The following FHIP1A variants were observed in gnomAD, a reference collection of about 807,000 sequenced individuals.
FHIP1A encodes the protein FHF complex subunit HOOK-interacting protein 1A.
In FHIP1A, 61 loss-of-function variants were observed where a neutral mutation model predicts 88.6. The observed-to-expected ratio is 0.69, with a 90% CI of 0.56 to 0.85. The LOEUF (loss-of-function observed/expected upper bound fraction) is 0.85, where lower values mean the gene tolerates loss of function less well. Among genes scored for constraint, FHIP1A ranks in the 40% least tolerant of loss-of-function variants. The probability of loss-of-function intolerance (pLI) is 0.00; values close to 1 mark genes in which losing one functional copy is unlikely to be tolerated. For missense variants in FHIP1A, 1,154 were observed against 1,273.5 expected, an observed-to-expected ratio of 0.91 and a Z score of 1.43; for synonymous variants, 478 against 496.0, an observed-to-expected ratio of 0.96 and a Z score of 0.48.
intron 7 of FHIP1A, among the ~76,000 whole-genome samples, chr4:151,599,499 A>G (rs183445196): frequency 3.9e-5 from 6 of 152,338 alleles, no homozygotes; most frequent in African/African-American, 1.2e-4. Flanking sequence ...TGCAACACCA[A>G]TCTGACCCCA....
intron 5 of FHIP1A, among the ~76,000 whole-genome samples, chr4:151,579,044 G>A (rs1733924657): frequency 6.6e-6 from 1 of 152,130 alleles, no homozygotes; most frequent in Admixed American, 6.6e-5. Flanking sequence ...TCTGGAAAAG[G>A]TAAAACTATG....
At chr4:151,484,310 A>G (rs1279554008) in intron 3 of FHIP1A, among the ~76,000 whole-genome samples, 1 of 152,208 alleles carries the variant, frequency 6.6e-6, no homozygotes, top group East Asian at 1.9e-4. Context: ...AAGCAGCATG[A>G]GTGATAGAAT....
Position 151,646,603 on chromosome 4 carries a change from T to C in FHIP1A, c.1272T>C (p.Ala424=), listed in dbSNP as rs775872315. The change falls in exon 10 of 14, where the codon GCT becomes GCC. Residue 424 remains alanine (A), a synonymous_variant. Transcript: ENST00000435205. ...CNHMMLSQRW[A]VKERDCYSVS... ...ACATGATGCTGAGTCAGAGGTGGGC[T>C]GTGAAGGAGAGAGACTGTTACTCTG... 3 of 1,551,622 alleles carry C rather than the reference T, an allele frequency of 1.9e-6. No homozygotes were observed. The highest frequency in any genetic ancestry group is 2.4e-5 in the South Asian group (2 of 84,050).
chr4:151,509,023 C>T (rs1730929585), intron 3 of FHIP1A, among the ~76,000 whole-genome samples: 1 of 152,146 alleles, frequency 6.6e-6, no homozygotes, highest in Non-Finnish European at 1.5e-5. Flanking sequence ...CATTCTTAAG[C>T]AGTGCTACAG....
intron 2 of FHIP1A, among the ~76,000 whole-genome samples, chr4:151,481,252 A>G (rs1466589469): frequency 6.6e-6 from 1 of 151,998 alleles, no homozygotes; most frequent in East Asian, 1.9e-4. Context: ...TATAAACTAC[A>G]TATTCCCATT....
At chr4:151,617,556 G>T (rs1200259398) in intron 7 of FHIP1A, among the ~76,000 whole-genome samples, 1 of 152,110 alleles carries the variant, frequency 6.6e-6, no homozygotes, top group African/African-American at 2.4e-5. Context: ...GTTCCTGCTG[G>T]ATTATCCTTT....
chr4:151,597,048 C>T (rs998968976), intron 7 of FHIP1A, among the ~76,000 whole-genome samples: 7 of 152,144 alleles, frequency 4.6e-5, no homozygotes, highest in African/African-American at 4.8e-5. Context: ...ACTCATTCTC[C>T]GTCCAGTTTT....
At chr4:151,489,779 A>T (rs1194941352) in intron 3 of FHIP1A, among the ~76,000 whole-genome samples, 1 of 152,048 alleles carries the variant, frequency 6.6e-6, no homozygotes, top group East Asian at 1.9e-4. Context: ...TGGCCTGAGA[A>T]CTACCCTCCA....
rs1256275590 is a variant in FHIP1A, at chr4:151,666,120, A to G, written c.*3366A>G. On this transcript the variant is annotated 3_prime_UTR_variant, in exon 14 of 14. Coordinates refer to ENST00000435205, the MANE Select transcript of FHIP1A (RefSeq NM_001109977.3). ...ATATGAGAGCACTGGGATATTTAAAATTGATTTTTTGGAAATGGCCAAGTA... is the reference window on the plus strand; with the variant it reads ...ATATGAGAGCACTGGGATATTTAAAGTTGATTTTTTGGAAATGGCCAAGTA... Among the ~76,000 whole-genome samples, 1 of 152,256 alleles carries G rather than the reference A, an allele frequency of 6.6e-6. No individual in the cohort carries two copies. Among genetic ancestry groups the G allele is most frequent in the Non-Finnish European group, 1.5e-5 (1 of 68,044 alleles).
At chr4:151,565,929 G>A (rs2126771183) in intron 3 of FHIP1A, among the ~76,000 whole-genome samples, 1 of 152,106 alleles carries the variant, frequency 6.6e-6, no homozygotes, top group South Asian at 2.1e-4. Flanking sequence ...ATTTACTCAT[G>A]TATCTTAGCT....
At chr4:151,573,858 G>A (rs1560776424) in intron 4 of FHIP1A, among the ~76,000 whole-genome samples, 1 of 152,172 alleles carries the variant, frequency 6.6e-6, no homozygotes, top group Non-Finnish European at 1.5e-5. Flanking sequence ...ATAAGGAAAA[G>A]TCCAGGTCAC....
At chr4:151,465,824 C>G (rs1473615408) in intron 2 of FHIP1A, among the ~76,000 whole-genome samples, 1 of 152,098 alleles carries the variant, frequency 6.6e-6, no homozygotes, top group Non-Finnish European at 1.5e-5. Flanking sequence ...AATTCAACAT[C>G]CCTTCATGTT....
chr4:151,466,330 G>C (rs1176250577), intron 2 of FHIP1A, among the ~76,000 whole-genome samples: 2 of 152,282 alleles, frequency 1.3e-5, no homozygotes, highest in East Asian at 3.9e-4. Context: ...GGAAATAAGA[G>C]AGGACACAAA....
Position 151,668,685 on chromosome 4 carries a change from C to T in FHIP1A, c.*5931C>T, listed in dbSNP as rs879776908. ...CTCTTCAAAAGGGCCCCACAAAAGGCTGTCCATTAATTTGTTTCATACAGT... is the reference window on the plus strand; with the variant it reads ...CTCTTCAAAAGGGCCCCACAAAAGGTTGTCCATTAATTTGTTTCATACAGT... On this transcript the variant is annotated 3_prime_UTR_variant, in exon 14 of 14. Coordinates refer to ENST00000435205, the MANE Select transcript of FHIP1A (RefSeq NM_001109977.3). Among the ~76,000 whole-genome samples the T allele has an allele frequency of 2.6e-5, 4 of 152,196 alleles. No homozygotes were observed. Among genetic ancestry groups the T allele is most frequent in the Non-Finnish European group, 5.9e-5 (4 of 68,040 alleles).
At chr4:151,424,963 A>G (rs993681557) in intron 1 of FHIP1A, among the ~76,000 whole-genome samples, 4 of 152,210 alleles carry the variant, frequency 2.6e-5, no homozygotes, top group Non-Finnish European at 5.9e-5. Context: ...GATTTAGAGA[A>G]TGGACATCAG....
At chr4:151,598,387 A>G (rs1013985649) in intron 7 of FHIP1A, among the ~76,000 whole-genome samples, 38 of 152,090 alleles carry the variant, frequency 2.5e-4, no homozygotes, top group Admixed American at 1.1e-3. Context: ...TCCCAATGAG[A>G]TGAACCGGGT....
At chr4:151,588,266 G>A (rs10027105) in intron 6 of FHIP1A, among the ~76,000 whole-genome samples, 5,140 of 151,918 alleles carry the variant, frequency 0.034, 297 homozygotes, top group African/African-American at 0.12. Flanking sequence ...AATGTTTTCC[G>A]CTTTTGAATA....
chr4:151,482,226 ACTTTTTTTCACT>A (rs1191457413), intron 2 of FHIP1A, among the ~76,000 whole-genome samples: 13 of 152,026 alleles, frequency 8.6e-5, no homozygotes, highest in African/African-American at 2.7e-4. Context: ...TTATTTTCAC[ACTTTTTTTCACT>A]CCCAAAAGAA....
rs6814719 is a variant in FHIP1A at position 151,497,313 on chromosome 4, C to T, written c.-123+14665C>T. Among the ~76,000 whole-genome samples the T allele has an allele frequency of 9.2e-3, 1,404 of 152,094 alleles. 24 individuals are homozygous for T. Among genetic ancestry groups the T allele is most frequent in the African/African-American group, 0.031 (1,279 of 41,462 alleles). On this transcript the variant is annotated intron_variant, in intron 3 of 13. Transcript: ENST00000435205. The stretch of plus-strand genomic sequence containing the variant: ...TATCTATATGCCATCTATATTTATT[C>T]GAAGAGTGGGAATTAGTCTAATGTA...
Sources: allele counts gnomAD v4.1 joint callset (sites outside exome capture counted in the v4.1 genomes callset), GRCh38; gene constraint gnomAD v4.1.1; transcripts MANE v1.5; gene names NCBI Gene and HGNC (gene_info 2026-07-23, HGNC 2026-07-21).